The following SORCS2 variants were observed in gnomAD, a reference collection of about 807,000 sequenced individuals.
SORCS2 encodes sortilin related VPS10 domain containing receptor 2.
In SORCS2, 100 loss-of-function variants were observed where a neutral mutation model predicts 141.6. That is an observed-to-expected ratio of 0.71 (90% CI 0.60 to 0.83). The LOEUF (loss-of-function observed/expected upper bound fraction) is 0.83. Ranked by LOEUF, SORCS2 falls within the 40% of genes least tolerant of loss-of-function variation. The pLI, the probability that SORCS2 is intolerant of heterozygous loss-of-function variation, is 0.00. For missense variants in SORCS2, 1,646 were observed against 1,560.2 expected (o/e 1.05, Z -0.93); for synonymous variants, 789 against 676.9 (o/e 1.17, Z -2.57).
chr4:7,506,136 G>A (rs965681803), intron 2 of SORCS2, among the ~76,000 whole-genome samples: 1 of 152,132 alleles, frequency 6.6e-6, no homozygotes, highest in Non-Finnish European at 1.5e-5. Flanking sequence ...GACACTCCGG[G>A]GTCTGTGTCT....
chr4:7,382,745 G>T (rs778370939), intron 1 of SORCS2, among the ~76,000 whole-genome samples: 7 of 152,124 alleles, frequency 4.6e-5, no homozygotes, highest in Non-Finnish European at 7.4e-5. Flanking sequence ...CTGCAGGTCT[G>T]GGGGGCAGGG....
chr4:7,546,533 G>A (rs563129934), intron 3 of SORCS2, among the ~76,000 whole-genome samples: 7 of 152,310 alleles, frequency 4.6e-5, no homozygotes, highest in Middle Eastern at 3.4e-3. Flanking sequence ...CCTTCAAGCG[G>A]GAGAGGAGGT....
chr4:7,304,601 G>A (rs1366768557), intron 1 of SORCS2, among the ~76,000 whole-genome samples: 1 of 152,194 alleles, frequency 6.6e-6, no homozygotes. Flanking sequence ...CAGTAAACCT[G>A]TGTCCCTTCT....
chr4:7,557,494 G>A lies in SORCS2; in HGVS notation c.648+25865G>A, dbSNP rs570201781. Among the ~76,000 whole-genome samples the A allele has an allele frequency of 5.3e-5, 8 of 152,284 alleles. No individual in the cohort carries two copies. In the South Asian group the frequency reaches 6.2e-4, roughly 12 times the overall value. The stretch of plus-strand genomic sequence containing the variant: ...AAATGTCCTAGCCACGCAAGGATTC[G>A]TTCTCTTTATCACACTTTTAAGTAG... On this transcript the variant is annotated intron_variant, in intron 3 of 26. Transcript: ENST00000507866.
At chr4:7,349,395 G>A (rs916942217) in intron 1 of SORCS2, among the ~76,000 whole-genome samples, 15 of 151,964 alleles carry the variant, frequency 9.9e-5, no homozygotes, top group Admixed American at 2.6e-4. Context: ...CACTGGCCCC[G>A]TGCCGCTGGA....
intron 1 of SORCS2, among the ~76,000 whole-genome samples, chr4:7,268,068 C>T (rs901377759): frequency 1.3e-5 from 2 of 152,196 alleles, no homozygotes; most frequent in African/African-American, 4.8e-5. Flanking sequence ...GTCTACACAG[C>T]CTGAGGTGTG....
intron 2 of SORCS2, among the ~76,000 whole-genome samples, chr4:7,454,890 G>C (rs866749552): frequency 8.3e-6 from 1 of 120,922 alleles, no homozygotes; most frequent in Non-Finnish European, 1.7e-5. Context: ...GGGGTCAGGT[G>C]CTGTGTTGGG....
At chr4:7,198,591 A>G (rs1180613026) in intron 1 of SORCS2, among the ~76,000 whole-genome samples, 1 of 152,150 alleles carries the variant, frequency 6.6e-6, no homozygotes, top group African/African-American at 2.4e-5. Context: ...GTCCAGAGGA[A>G]GTGCATCTCT....
chr4:7,462,242 G>A (rs1729358178), intron 2 of SORCS2, among the ~76,000 whole-genome samples: 1 of 152,206 alleles, frequency 6.6e-6, no homozygotes, highest in African/African-American at 2.4e-5. Flanking sequence ...TGGATGGGGA[G>A]ACTTTGGAGT....
At chr4:7,424,040 T>G (rs1410053275) in intron 2 of SORCS2, among the ~76,000 whole-genome samples, 1 of 152,154 alleles carries the variant, frequency 6.6e-6, no homozygotes, top group South Asian at 2.1e-4. Context: ...TGTGCACAGC[T>G]GGGAGGATGC....
At chr4:7,306,374 G>A (rs1717835115) in intron 1 of SORCS2, among the ~76,000 whole-genome samples, 1 of 152,154 alleles carries the variant, frequency 6.6e-6, no homozygotes, top group Non-Finnish European at 1.5e-5. Context: ...GGGTGGGTGT[G>A]TAGCAGGATC....
rs190041320 is a variant in SORCS2, at chr4:7,374,174, T to C, written c.481-22114T>C. Among the ~76,000 whole-genome samples the C allele has an allele frequency of 2.5e-3, 348 of 136,604 alleles. 2 individuals are homozygous for C. Among genetic ancestry groups the C allele is most frequent in the African/African-American group, 9.1e-3 (323 of 35,432 alleles). 89.6% of individuals were successfully genotyped at this position (136,604 alleles called of 152,430 possible). ...TTCTTTCTTTCTTTCTTTCTTTCTTTCTTTCTTTCTTTCTTTCTTTCTTTT... is the reference window on the plus strand; with the variant it reads ...TTCTTTCTTTCTTTCTTTCTTTCTTCCTTTCTTTCTTTCTTTCTTTCTTTT... On this transcript the variant is annotated intron_variant, in intron 1 of 26. Transcript: ENST00000507866.
At chr4:7,576,639 G>A (rs991708938) in intron 3 of SORCS2, among the ~76,000 whole-genome samples, 2 of 152,226 alleles carry the variant, frequency 1.3e-5, no homozygotes, top group Non-Finnish European at 2.9e-5. Flanking sequence ...GTGACAGAGG[G>A]ACACATGTGG....
chr4:7,467,941 G>A (rs1427709948), intron 2 of SORCS2, among the ~76,000 whole-genome samples: 1 of 152,244 alleles, frequency 6.6e-6, no homozygotes, highest in African/African-American at 2.4e-5. Flanking sequence ...GGTTGGGTTT[G>A]AGTGGGCTCC....
intron 1 of SORCS2, among the ~76,000 whole-genome samples, chr4:7,294,172 G>A (rs946664072): frequency 1.3e-5 from 2 of 152,154 alleles, no homozygotes; most frequent in African/African-American, 2.4e-5. Context: ...CATACGCACC[G>A]GTGATGCCTG....
intron 2 of SORCS2, chr4:7,431,219 C>T (rs1169508446): frequency 6.6e-6 from 1 of 152,254 alleles, no homozygotes; most frequent in Non-Finnish European, 1.5e-5. Context: ...CGCATGTGCT[C>T]AGTGGGTCTG....
At chr4:7,440,568 C>T (rs563956581) in intron 2 of SORCS2, among the ~76,000 whole-genome samples, 1 of 152,360 alleles carries the variant, frequency 6.6e-6, no homozygotes, top group Admixed American at 6.5e-5. Flanking sequence ...AACAGAGTTG[C>T]CTCCTTCTCC....
intron 4 of SORCS2, among the ~76,000 whole-genome samples, chr4:7,647,301 T>G (rs1380026375): frequency 6.6e-6 from 1 of 152,178 alleles, no homozygotes; most frequent in Admixed American, 6.5e-5. Flanking sequence ...TCCATGCATG[T>G]GGCAGCAAAG....
intron 2 of SORCS2, among the ~76,000 whole-genome samples, chr4:7,518,348 C>G (rs535650385): frequency 6.6e-6 from 1 of 152,254 alleles, no homozygotes; most frequent in African/African-American, 2.4e-5. Flanking sequence ...TCACACGCAC[C>G]CTCTTTGGGC....
Sources: gnomAD v4.1 joint callset for allele counts (sites outside exome capture counted in the v4.1 genomes callset) on GRCh38, gnomAD v4.1.1 for gene constraint, MANE v1.5 for transcripts, NCBI Gene and HGNC (gene_info 2026-07-23, HGNC 2026-07-21) for gene names.